The following SLC6A5 variants were observed in gnomAD, a reference collection of about 807,000 sequenced individuals.
The protein encoded by SLC6A5 is solute carrier family 6 member 5, also known as sodium- and chloride-dependent glycine transporter 2.
In SLC6A5, 58 loss-of-function variants were observed where a neutral mutation model predicts 90.5. The observed-to-expected ratio is 0.64, with a 90% CI of 0.52 to 0.80. The LOEUF (loss-of-function observed/expected upper bound fraction) is 0.80. Among genes scored for constraint, SLC6A5 ranks in the 30% least tolerant of loss-of-function variants. SLC6A5 has a pLI of 0.00. For missense variants in SLC6A5, 1,015 were observed against 1,017.6 expected, an observed-to-expected ratio of 1.00 and a Z score of 0.03; for synonymous variants, 427 against 401.4, an observed-to-expected ratio of 1.06 and a Z score of -0.76.
In SLC6A5 at chr11:20,617,734, C is replaced by T; in HGVS notation, c.1128-18C>T. ...CCTTCTTTCTATCACTCCCCCCATC[C>T]CTCCCTCCAACTCTCAGGTACTTTG... On this transcript the variant is annotated intron_variant, in intron 6 of 15. Coordinates refer to ENST00000525748, the MANE Select transcript of SLC6A5 (RefSeq NM_004211.5). 1.2e-6 allele frequency: 2 copies of T among 1,611,744 alleles called. No individual in the cohort carries two copies. The highest frequency in any genetic ancestry group is 1.7e-6 in the Non-Finnish European group (2 of 1,178,388).
At chr11:20,617,907 G>C (rs1285280769) in intron 7 of SLC6A5, 23 bp downstream of exon 7, 3 of 1,613,124 alleles carry the variant, frequency 1.9e-6, no homozygotes, top group African/African-American at 1.3e-5. Context: ...ATTTATCTAA[G>C]AGAAAGCTGT....
At position 20,604,210 on chromosome 11, in the gene SLC6A5, C is replaced by CG. The variant is rs986106644; in HGVS notation, c.541-69dup. The stretch of plus-strand genomic sequence containing the variant: ...CCTGCTTGCTGGGAAGGACCCCTAG[C>CG]GGGGGGGAGGGTGGAAGGGGCCTGC... On this transcript the variant is annotated intron_variant, in intron 2 of 15. Coordinates refer to ENST00000525748, the MANE Select transcript of SLC6A5 (RefSeq NM_004211.5). The CG allele has an allele frequency of 5.8e-5, 88 of 1,517,176 alleles. 1 individual carries two copies. The highest frequency in any genetic ancestry group is 5.3e-4 in the South Asian group (41 of 76,738). 94.0% of individuals were successfully genotyped at this position (1,517,176 alleles called of 1,614,324 possible). A position where few individuals can be genotyped will look rare whatever the true frequency, so the allele number is the denominator to read the frequency against.
intron 9 of SLC6A5, among the ~76,000 whole-genome samples, chr11:20,628,935 C>G (rs1046329201): frequency 3.9e-5 from 6 of 152,210 alleles, no homozygotes; most frequent in African/African-American, 1.4e-4. Context: ...TTGCTGCACA[C>G]TTGCTCTGTG....
intron 7 of SLC6A5, 137 bp downstream of exon 7, chr11:20,618,021 C>T: frequency 2.3e-6 from 2 of 882,188 alleles, no homozygotes; most frequent in East Asian, 2.5e-5. Context: ...AGCTGAGGGG[C>T]TGTGACTTCA....
Position 20,652,473 on chromosome 11 carries a change from C to T in SLC6A5, c.2238+17C>T. 1.2e-6 allele frequency: 2 copies of T among 1,609,234 alleles called. No homozygotes were observed. Among genetic ancestry groups the T allele is most frequent in the Non-Finnish European group, 1.7e-6 (2 of 1,175,494 alleles). The stretch of plus-strand genomic sequence containing the variant: ...TTTATTGAGGTAATTCTGTCTACTT[C>T]TTTCCCTCCCAATTCCTCCCAAGGG... On this transcript the variant is annotated intron_variant, in intron 15 of 15. Transcript: ENST00000525748.
At position 20,601,601 on chromosome 11, in the gene SLC6A5, T is replaced by A; in HGVS notation, c.476T>A (p.Val159Glu). The change falls in exon 2 of 16, where the codon GTG becomes GAG. Residue 159 changes from valine (V) to glutamate (E), a missense_variant. Transcript: ENST00000525748. ...TGGGTGAACATGAGCCAGAGCACCG[T>A]GGTGCTGGCCACGGATGGAATCACG... Reference protein sequence around the residue: ...VGWVNMSQSTVVLATDGITSV... With the variant: ...VGWVNMSQSTEVLATDGITSV... 1 of 1,614,092 alleles carries A rather than the reference T, an allele frequency of 6.2e-7. No individual in the cohort carries two copies. The highest frequency in any genetic ancestry group is 2.2e-5 in the East Asian group (1 of 44,868).
At chr11:20,628,839 G>C (rs1267093972) in intron 9 of SLC6A5, among the ~76,000 whole-genome samples, 1 of 152,128 alleles carries the variant, frequency 6.6e-6, no homozygotes, top group East Asian at 1.9e-4. Flanking sequence ...TTCATATCCT[G>C]GCCCACACTA....
At position 20,601,204 on chromosome 11, in the gene SLC6A5, G is replaced by A; in HGVS notation, c.79G>A (p.Asp27Asn). ...PEAAAAQGHP[D>N]GPCAPRTSPE... is the part of the protein sequence containing the mutation. Reference sequence around the variant, plus strand: ...GGCGGCGGCGGCGCAGGGCCACCCGGATGGCCCATGCGCTCCCAGGACGAG... The same window carrying A: ...GGCGGCGGCGGCGCAGGGCCACCCGAATGGCCCATGCGCTCCCAGGACGAG... Residue 27 changes from aspartate to asparagine, a missense_variant, in exon 2 of 16, where the codon GAT becomes AAT. By Grantham distance (23) the Asp-to-Asn change is conservative (BLOSUM62 1). Coordinates refer to ENST00000525748, the MANE Select transcript of SLC6A5 (RefSeq NM_004211.5). 1 of 1,584,742 alleles carries A rather than the reference G, an allele frequency of 6.3e-7. No homozygotes were observed.
Position 20,637,237 on chromosome 11 carries a change from C to T in SLC6A5, c.1803C>T (p.His601=). 1 of 1,613,398 alleles carries T rather than the reference C, an allele frequency of 6.2e-7. No homozygotes were observed. The highest frequency in any genetic ancestry group is 1.1e-5 in the South Asian group (1 of 91,058). Reference sequence around the variant, plus strand: ...AGTTTCCCAAGTACCTACGCACACACAAGCCAGTGTTTACTCTGGGCTGCT... The same window carrying T: ...AGTTTCCCAAGTACCTACGCACACATAAGCCAGTGTTTACTCTGGGCTGCT... ...SDEFPKYLRT[H]KPVFTLGCCI... The change falls in exon 12 of 16, where the codon CAC becomes CAT. Residue 601 remains histidine (H), a synonymous_variant. Coordinates refer to ENST00000525748, the MANE Select transcript of SLC6A5 (RefSeq NM_004211.5).
chr11:20,617,730 C>G (rs781716033), intron 6 of SLC6A5, 22 bp from the exon 7 acceptor site: 1 of 1,610,684 alleles, frequency 6.2e-7, no homozygotes, highest in South Asian at 1.1e-5. Flanking sequence ...TCACTCCCCC[C>G]ATCCCTCCCT....
At chr11:20,623,534 T>G (rs4454712) in intron 7 of SLC6A5, among the ~76,000 whole-genome samples, 88,653 of 152,018 alleles carry the variant, frequency 0.58, 26,129 homozygotes, top group South Asian at 0.71. Flanking sequence ...CCCTGCAGTA[T>G]TCTTGCTACA....
intron 2 of SLC6A5, among the ~76,000 whole-genome samples, chr11:20,602,450 C>A (rs1244237486): frequency 6.6e-6 from 1 of 152,306 alleles, no homozygotes; most frequent in East Asian, 1.9e-4. Flanking sequence ...CTCATATAGG[C>A]TTTTGTTCTC....
At chr11:20,642,042 T>C (rs1049497672) in intron 13 of SLC6A5, among the ~76,000 whole-genome samples, 2 of 151,988 alleles carry the variant, frequency 1.3e-5, no homozygotes, top group African/African-American at 2.4e-5. Flanking sequence ...AAAGAATGAC[T>C]TGGGGATTTA....
intron 10 of SLC6A5, 24 bp downstream of exon 10, chr11:20,630,839 T>A: frequency 6.2e-7 from 1 of 1,612,688 alleles, no homozygotes; most frequent in African/African-American, 1.3e-5. Flanking sequence ...GTTACCCTGC[T>A]GTTGCAGGGC....
intron 2 of SLC6A5, among the ~76,000 whole-genome samples, chr11:20,603,184 C>A (rs1448720114): frequency 6.6e-6 from 1 of 152,140 alleles, no homozygotes; most frequent in Non-Finnish European, 1.5e-5. Flanking sequence ...AAGTATGAGA[C>A]CTAGCAAGTT....
chr11:20,652,634 T>C (rs1476619318), intron 15 of SLC6A5, among the ~76,000 whole-genome samples, 178 bp downstream of exon 15: 2 of 152,230 alleles, frequency 1.3e-5, no homozygotes, highest in African/African-American at 2.4e-5. Flanking sequence ...ATTCCTCTAA[T>C]GGAGGGGCTC....
intron 11 of SLC6A5, among the ~76,000 whole-genome samples, chr11:20,636,720 G>T (rs185018426): frequency 6.6e-6 from 1 of 152,268 alleles, no homozygotes; most frequent in East Asian, 1.9e-4. Context: ...ATTCTTTAGG[G>T]CTGGATAAAG....
chr11:20,600,782 G>A (rs560465105), intron 1 of SLC6A5, among the ~76,000 whole-genome samples: 2 of 152,286 alleles, frequency 1.3e-5, no homozygotes, highest in Admixed American at 6.5e-5. Context: ...ATGGGGATGC[G>A]GGCACCCACA....
intron 14 of SLC6A5, among the ~76,000 whole-genome samples, chr11:20,648,300 C>G (rs1475338677): frequency 6.6e-6 from 1 of 152,158 alleles, no homozygotes; most frequent in Non-Finnish European, 1.5e-5. Context: ...TTTCTTCTTT[C>G]CTTCCCTCCC....
Sources: gnomAD v4.1 joint callset for allele counts (sites outside exome capture counted in the v4.1 genomes callset) on GRCh38, gnomAD v4.1.1 for gene constraint, MANE v1.5 for transcripts, NCBI Gene and HGNC (gene_info 2026-07-23, HGNC 2026-07-21) for gene names.